Variants in DAB1 observed in about 807,000 individuals in gnomAD.
The protein encoded by DAB1 is DAB adaptor protein 1.
DAB1 carries 15 observed loss-of-function variants against 64.6 expected under a neutral mutation model. That is an observed-to-expected ratio of 0.23 (90% CI 0.16 to 0.36). The LOEUF is 0.36. Ranked by LOEUF, DAB1 falls within the 10% of genes least tolerant of loss-of-function variation. The pLI is 1.00. For synonymous variants in DAB1, 235 were observed against 251.9 expected, an observed-to-expected ratio of 0.93 and a Z score of 0.64; for missense variants, 596 against 706.7, an observed-to-expected ratio of 0.84 and a Z score of 1.78.
chr1:57,721,226 G>T (rs551714775), intron 6 of DAB1, among the ~76,000 whole-genome samples: 1 of 152,230 alleles, frequency 6.6e-6, no homozygotes, highest in Non-Finnish European at 1.5e-5. Context: ...TTGAATGACT[G>T]ATCTAATTCC....
intron 6 of DAB1, among the ~76,000 whole-genome samples, chr1:57,693,510 T>A (rs1035897828): frequency 6.6e-6 from 1 of 152,118 alleles, no homozygotes; most frequent in Non-Finnish European, 1.5e-5. Context: ...CAGCACTCTG[T>A]AAAATGGACC....
At chr1:57,559,286 A>G (rs1398590837) in intron 7 of DAB1, among the ~76,000 whole-genome samples, 1 of 152,208 alleles carries the variant, frequency 6.6e-6, no homozygotes, top group East Asian at 1.9e-4. Context: ...CATCGTTTGA[A>G]TGATAAAAAC....
At chr1:58,499,477 T>TATAGATAGATAGATAGATAG (rs60917151) in intron 3 of DAB1, among the ~76,000 whole-genome samples, 12,555 of 143,646 alleles carry the variant, frequency 0.087, 627 homozygotes, top group East Asian at 0.11. Flanking sequence ...AAAGCCAGAC[T>TATAGATAGATAGATAGATAG]ATAGATAGAT....
At chr1:58,349,691 G>A (rs770719681) in intron 3 of DAB1, among the ~76,000 whole-genome samples, 2 of 151,960 alleles carry the variant, frequency 1.3e-5, no homozygotes, top group African/African-American at 2.4e-5. Context: ...TCCCACTTAT[G>A]AGTGAGAACA....
At chr1:57,163,670 T>G (rs1660968366) in intron 2 of DAB1, among the ~76,000 whole-genome samples, 1 of 151,716 alleles carries the variant, frequency 6.6e-6, no homozygotes. Flanking sequence ...GGGCTAATAA[T>G]CCAGATGAGT....
At chr1:58,534,483 C>A in intron 1 of DAB1, 1 of 519,132 alleles carries the variant, frequency 1.9e-6, no homozygotes, top group East Asian at 3.2e-5. Flanking sequence ...TTTCTCAAAT[C>A]TGAATTATTC....
In DAB1 at chr1:58,499,133, A is replaced by C. The variant is rs913913445; in HGVS notation, n.257+6927T>G. Among the ~76,000 whole-genome samples the C allele has an allele frequency of 1.2e-4, 19 of 152,058 alleles. No individual in the cohort carries two copies. In the East Asian group the frequency reaches 3.7e-3, roughly 29 times the overall value. ...ATGCTAAGTGAAATAAGCCAGGTAC[A>C]GAAAGAAAAATACTATACAGTCTCA... On this transcript the variant is annotated intron_variant and non_coding_transcript_variant, in intron 3 of 20. Transcript: ENST00000485760.
At chr1:58,427,933 A>G (rs1644836790) in intron 3 of DAB1, among the ~76,000 whole-genome samples, 1 of 152,238 alleles carries the variant, frequency 6.6e-6, no homozygotes, top group African/African-American at 2.4e-5. Flanking sequence ...AGACATACAC[A>G]TAATACATTT....
Position 57,806,144 on chromosome 1 carries a change from T to G in DAB1, n.551+77855A>C, listed in dbSNP as rs529467511. Among the ~76,000 whole-genome samples the G allele has an allele frequency of 9.3e-4, 142 of 152,328 alleles. 3 individuals are homozygous for G. In the South Asian group the frequency reaches 0.01, roughly 11 times the overall value. Reference sequence around the variant, plus strand: ...TTATCTCTGTGAACTTGTCTCCATGTACTCTTTCCTTTGTTCACTCTACTT... The same window carrying G: ...TTATCTCTGTGAACTTGTCTCCATGGACTCTTTCCTTTGTTCACTCTACTT... On this transcript the variant is annotated intron_variant and non_coding_transcript_variant, in intron 6 of 20. Transcript: ENST00000485760.
chr1:57,023,583 C>G lies in DAB1; in HGVS notation c.843G>C (p.Ala281=). ...FIPSSSQTLP[A]SADVFSSVPF... is the part of the protein sequence containing the mutation. ...GTACAGAACTAAACACATCTGCACT[C>G]GCTGGAAGGGTCTGAGATGAAGATG... The change falls in exon 11 of 15, where the codon GCG becomes GCC. Residue 281 remains alanine, a synonymous_variant. Coordinates refer to ENST00000371236, the MANE Select transcript of DAB1 (RefSeq NM_001365792.1). The G allele has an allele frequency of 6.2e-7, 1 of 1,612,334 alleles. No individual in the cohort carries two copies. The highest frequency in any genetic ancestry group is 8.5e-7 in the Non-Finnish European group (1 of 1,179,450).
intron 3 of DAB1, among the ~76,000 whole-genome samples, chr1:58,431,122 A>C (rs2100239968): frequency 6.6e-6 from 1 of 152,300 alleles, no homozygotes; most frequent in East Asian, 1.9e-4. Flanking sequence ...AGATCTCAGC[A>C]TGGCTTTTGA....
intron 2 of DAB1, among the ~76,000 whole-genome samples, chr1:57,219,697 G>T (rs2100375307): frequency 6.6e-6 from 1 of 152,272 alleles, no homozygotes; most frequent in African/African-American, 2.4e-5. Context: ...AGAATTTGGG[G>T]ACTTCTAGGA....
chr1:57,452,027 G>A (rs138662232), intron 7 of DAB1, among the ~76,000 whole-genome samples: 3 of 152,150 alleles, frequency 2.0e-5, no homozygotes, highest in Non-Finnish European at 2.9e-5. Flanking sequence ...AAGTTTGAAA[G>A]ACGGCATATT....
chr1:57,102,068 T>C (rs76182184), intron 4 of DAB1, among the ~76,000 whole-genome samples: 3,380 of 152,228 alleles, frequency 0.022, 144 homozygotes, highest in African/African-American at 0.078. Flanking sequence ...GAGCTTGCAA[T>C]CTAGCGAGGC....
chr1:58,128,851 T>C (rs1278353865), intron 5 of DAB1, among the ~76,000 whole-genome samples: 3 of 149,866 alleles, frequency 2.0e-5, no homozygotes, highest in African/African-American at 5.0e-5. Flanking sequence ...CTGCTGGATT[T>C]GTTTTGCTAG....
Position 57,556,749 on chromosome 1 carries a change from C to T in DAB1, n.625+92843G>A, listed in dbSNP as rs556723984. On this transcript the variant is annotated intron_variant and non_coding_transcript_variant, in intron 7 of 20. Transcript: ENST00000485760. ...GTGGGTTGTCTGTTTACTTTGCTGA[C>T]TATTTCTTTTGCTGTGCAGAAGCTT... Among the ~76,000 whole-genome samples, 17 of 152,250 alleles carry T rather than the reference C, an allele frequency of 1.1e-4. No homozygotes were observed. The East Asian group carries it at 1.7e-3, about 16-fold the overall frequency.
chr1:58,152,460 A>C (rs1317037457), intron 4 of DAB1, among the ~76,000 whole-genome samples: 1 of 152,206 alleles, frequency 6.6e-6, no homozygotes, highest in East Asian at 1.9e-4. Flanking sequence ...TTGGCACATC[A>C]GGCACAAGCC....
At chr1:58,346,217 A>T (rs1471935696) in intron 3 of DAB1, among the ~76,000 whole-genome samples, 1 of 152,272 alleles carries the variant, frequency 6.6e-6, no homozygotes. Context: ...CCTGATCAAA[A>T]TTTTCTTTGG....
rs149461001 is a variant in DAB1, at chr1:57,918,596, G to A, written n.388-34434C>T. ...TCCCAGCACTTTGGGAGGCCGGGGC[G>A]GGCAGATCACAAAGTCAGGAGATAC... On this transcript the variant is annotated intron_variant and non_coding_transcript_variant, in intron 5 of 20. Coordinates refer to the DAB1 transcript ENST00000485760. 3.7e-3 allele frequency among the ~76,000 whole-genome samples: 563 copies of A among 152,154 alleles called. 4 individuals carry two copies. The highest frequency in any genetic ancestry group is 0.013 in the African/African-American group (520 of 41,514).
Sources: allele counts gnomAD v4.1 joint callset (sites outside exome capture counted in the v4.1 genomes callset), GRCh38; gene constraint gnomAD v4.1.1; transcripts MANE v1.5; gene names NCBI Gene and HGNC (gene_info 2026-07-23, HGNC 2026-07-21).